Variants in LAMA2 observed in about 807,000 individuals in gnomAD.
LAMA2 encodes laminin subunit alpha 2.
Under a neutral mutation model 364.8 loss-of-function variants are expected in LAMA2, and 269 were observed. That is an observed-to-expected ratio of 0.74 (90% CI 0.67 to 0.82). The LOEUF (loss-of-function observed/expected upper bound fraction) is 0.82. Ranked by LOEUF, LAMA2 falls within the 40% of genes least tolerant of loss-of-function variation. LAMA2 has a pLI of 0.00. For synonymous variants in LAMA2, 1,379 were observed against 1,370.6 expected (o/e 1.01, Z -0.14); for missense variants, 3,807 against 3,873.2 (o/e 0.98, Z 0.45).
At chr6:129,365,790 A>G (rs900526790) in intron 32 of LAMA2, among the ~76,000 whole-genome samples, 4 of 152,138 alleles carry the variant, frequency 2.6e-5, no homozygotes, top group Non-Finnish European at 5.9e-5. Context: ...CTCCAGTGCA[A>G]TCTAATGGAG....
At chr6:129,106,346 A>G (rs1360687140) in intron 4 of LAMA2, among the ~76,000 whole-genome samples, 1 of 152,170 alleles carries the variant, frequency 6.6e-6, no homozygotes, top group Non-Finnish European at 1.5e-5. Context: ...TGTTTCAGAA[A>G]TTCTCCTTTG....
At chr6:129,345,078 T>A (rs1776470098) in intron 30 of LAMA2, among the ~76,000 whole-genome samples, 1 of 152,264 alleles carries the variant, frequency 6.6e-6, no homozygotes, top group Non-Finnish European at 1.5e-5. Flanking sequence ...TCAAATTTGA[T>A]CACTTACAGT....
At chr6:129,142,290 T>A (rs988959678) in intron 4 of LAMA2, among the ~76,000 whole-genome samples, 2 of 151,958 alleles carry the variant, frequency 1.3e-5, no homozygotes, top group South Asian at 2.1e-4. Flanking sequence ...AGGCTGAAAA[T>A]CTGAGATCAG....
At chr6:129,193,456 A>T (rs1162978074) in intron 12 of LAMA2, among the ~76,000 whole-genome samples, 1 of 152,240 alleles carries the variant, frequency 6.6e-6, no homozygotes. Flanking sequence ...ACATACACAG[A>T]TAAACAAATG....
At chr6:129,272,067 A>G (rs905521352) in intron 17 of LAMA2, among the ~76,000 whole-genome samples, 3 of 152,150 alleles carry the variant, frequency 2.0e-5, no homozygotes, top group Non-Finnish European at 4.4e-5. Flanking sequence ...ATTGTTTGGA[A>G]AAGAAGAGAA....
intron 40 of LAMA2, among the ~76,000 whole-genome samples, chr6:129,404,857 T>TTTAGGGGATACTTTC (rs1780164382): frequency 6.6e-6 from 1 of 152,042 alleles, no homozygotes; most frequent in African/African-American, 2.4e-5. Flanking sequence ...TTTCTAGGAT[T>TTTAGGGGATACTTTC]TAGGGGATAT....
intron 1 of LAMA2, among the ~76,000 whole-genome samples, chr6:128,907,335 T>C: frequency 6.8e-6 from 1 of 147,168 alleles, no homozygotes; most frequent in Non-Finnish European, 1.5e-5. Context: ...GTAGTTCTCC[T>C]TGAAGAGGTC....
intron 30 of LAMA2, among the ~76,000 whole-genome samples, chr6:129,344,725 A>G (rs1424085850): frequency 6.6e-6 from 1 of 152,206 alleles, no homozygotes; most frequent in South Asian, 2.1e-4. Flanking sequence ...AGCAGTCAGA[A>G]GAGAGGGAAC....
At chr6:129,123,926 GAA>G (rs1279169012) in intron 4 of LAMA2, among the ~76,000 whole-genome samples, 1 of 152,106 alleles carries the variant, frequency 6.6e-6, no homozygotes, top group Non-Finnish European at 1.5e-5. Context: ...GAGAGTGAGA[GAA>G]AACTTTTGGA....
At chr6:129,079,553 GT>G (rs111592167) in intron 3 of LAMA2, among the ~76,000 whole-genome samples, 8,907 of 139,828 alleles carry the variant, frequency 0.064, 851 homozygotes, top group African/African-American at 0.21. Context: ...TTCTTTTTCT[GT>G]TTTTTTTTTT....
In LAMA2 at chr6:129,102,213, C is replaced by G. The variant is rs1341987730; in HGVS notation, c.639+3798C>G. ...GCGCCATCTCAGCTCACTGTAACCT[C>G]CGCCTCCCGGGTTCCCGGGTTCAAG... On this transcript the variant is annotated intron_variant, in intron 4 of 64. Coordinates refer to ENST00000421865, the MANE Select transcript of LAMA2 (RefSeq NM_000426.4). Among the ~76,000 whole-genome samples, 4 of 151,324 alleles carry G rather than the reference C, an allele frequency of 2.6e-5. No homozygotes were observed. In the East Asian group the frequency reaches 7.8e-4, roughly 29 times the overall value.
intron 12 of LAMA2, among the ~76,000 whole-genome samples, chr6:129,200,246 ATATATATACGTGTACACATATACATG>A (rs1782144205): frequency 8.4e-6 from 1 of 118,420 alleles, no homozygotes; most frequent in African/African-American, 4.3e-5. Context: ...ATACATGTGT[ATATATATACGTGTACACATATACATG>A]TGTATATATA....
At chr6:129,253,237 A>G (rs1786392952) in intron 14 of LAMA2, among the ~76,000 whole-genome samples, 1 of 152,228 alleles carries the variant, frequency 6.6e-6, no homozygotes, top group South Asian at 2.1e-4. Context: ...AAGGTGTCAT[A>G]GGAACTTCCT....
At position 129,251,968 on chromosome 6, in the gene LAMA2, A is replaced by G. The variant is rs567909997; in HGVS notation, c.1885-116A>G. ...AATAAATAAATAAAAAATAAACATA[A>G]ATTTTTAAAGTTAAAAGTCTATTGA... is the stretch of plus-strand genomic sequence containing the variant. On this transcript the variant is annotated intron_variant, in intron 13 of 64. Transcript: ENST00000421865. 4 of 667,984 alleles carry G rather than the reference A, an allele frequency of 6.0e-6. No individual in the cohort carries two copies. The East Asian group carries it at 1.1e-4, about 19-fold the overall frequency. The allele number at this position is 667,984 out of a possible 1,614,324, so 41.4% of individuals were successfully genotyped here.
chr6:128,994,231 G>C (rs978765459), intron 1 of LAMA2, among the ~76,000 whole-genome samples: 3 of 152,178 alleles, frequency 2.0e-5, no homozygotes, highest in Admixed American at 6.5e-5. Flanking sequence ...AAGTATTTGG[G>C]GGTATACATT....
chr6:129,267,119 G>A lies in LAMA2; in HGVS notation c.2222G>A (p.Arg741Lys). ...TCTTTCTCTCAGTCTTGTTGGCCTA[G>A]GCACAGGCGAGTTAACGGCACTATT... is the stretch of plus-strand genomic sequence containing the variant. ...TGSSCESCWPRHRRVNGTIFG... is the reference protein window; with the variant it reads ...TGSSCESCWPKHRRVNGTIFG... The change falls in exon 16 of 65, where the codon AGG (arginine) becomes AAG (lysine). Residue 741 changes from arginine (R) to lysine (K), a missense_variant. Physicochemically the swap from Arg to Lys is conservative, Grantham distance 26 (BLOSUM62 2). Transcript: ENST00000421865. 1 of 1,610,884 alleles carries A rather than the reference G, an allele frequency of 6.2e-7. No individual in the cohort carries two copies. Among genetic ancestry groups the A allele is most frequent in the Non-Finnish European group, 8.5e-7 (1 of 1,177,240 alleles).
chr6:128,960,890 T>C (rs1781447637), intron 1 of LAMA2, among the ~76,000 whole-genome samples: 1 of 152,138 alleles, frequency 6.6e-6, no homozygotes, highest in Non-Finnish European at 1.5e-5. Context: ...TTAATATTAT[T>C]TTTGCCTTTG....
intron 3 of LAMA2, among the ~76,000 whole-genome samples, chr6:129,092,914 G>A (rs1181536770): frequency 6.6e-6 from 1 of 152,102 alleles, no homozygotes; most frequent in African/African-American, 2.4e-5. Context: ...TCTCTTAACT[G>A]TGTAACAGTG....
chr6:129,446,188 C>A (rs1401002554), intron 45 of LAMA2, among the ~76,000 whole-genome samples: 1 of 151,322 alleles, frequency 6.6e-6, no homozygotes, highest in Non-Finnish European at 1.5e-5. Flanking sequence ...AAAAAAAAGG[C>A]CAACTAATGG....
Sources: allele counts gnomAD v4.1 joint callset (sites outside exome capture counted in the v4.1 genomes callset), GRCh38; gene constraint gnomAD v4.1.1; transcripts MANE v1.5; gene names NCBI Gene and HGNC (gene_info 2026-07-23, HGNC 2026-07-21).